The following CNTN5 variants were observed in gnomAD, a reference collection of about 807,000 sequenced individuals.
CNTN5 encodes the protein contactin 5.
A neutral mutation model predicts 129.1 loss-of-function variants in CNTN5; 77 were observed. The observed-to-expected ratio is 0.60, with a 90% CI of 0.50 to 0.72. CNTN5 has a LOEUF of 0.72. Ranked by LOEUF, CNTN5 falls within the 30% of genes least tolerant of loss-of-function variation. CNTN5 has a pLI of 0.00. For synonymous variants in CNTN5, 509 were observed against 465.6 expected (o/e 1.09, Z -1.20); for missense variants, 1,478 against 1,328.8 (o/e 1.11, Z -1.75).
intron 13 of CNTN5, among the ~76,000 whole-genome samples, chr11:100,142,070 G>A (rs950225381): frequency 1.1e-4 from 16 of 152,130 alleles, no homozygotes; most frequent in Admixed American, 5.9e-4. Flanking sequence ...TTGGACATCA[G>A]AACGCCAGGC....
At chr11:99,723,131 T>G (rs972500293) in intron 3 of CNTN5, among the ~76,000 whole-genome samples, 5 of 152,090 alleles carry the variant, frequency 3.3e-5, no homozygotes, top group African/African-American at 1.2e-4. Flanking sequence ...ACTTACTCCC[T>G]TAATTAGGAA....
At chr11:100,011,010 A>G (rs535992621) in intron 9 of CNTN5, among the ~76,000 whole-genome samples, 1 of 152,210 alleles carries the variant, frequency 6.6e-6, no homozygotes, top group Admixed American at 6.5e-5. Flanking sequence ...GAATTTTGGG[A>G]TCCCTAGAGC....
chr11:99,736,109 T>A (rs1045522192), intron 3 of CNTN5, among the ~76,000 whole-genome samples: 5 of 152,128 alleles, frequency 3.3e-5, no homozygotes, highest in Admixed American at 6.6e-5. Flanking sequence ...ATTGGTAGAT[T>A]TAAGATTTCT....
At chr11:99,432,491 T>TTTTCTTTTCTTTTC (rs1943425650) in intron 2 of CNTN5, among the ~76,000 whole-genome samples, 1 of 140,420 alleles carries the variant, frequency 7.1e-6, no homozygotes, top group African/African-American at 2.6e-5. Context: ...TTTTCTTTTC[T>TTTTCTTTTCTTTTC]TTTCTTTCTT....
At chr11:99,109,959 G>T (rs1857710493) in intron 1 of CNTN5, among the ~76,000 whole-genome samples, 1 of 152,022 alleles carries the variant, frequency 6.6e-6, no homozygotes. Context: ...ATCATGATAA[G>T]TGCTGAATTT....
intron 2 of CNTN5, among the ~76,000 whole-genome samples, chr11:99,482,298 T>G (rs901283812): frequency 2.0e-5 from 3 of 152,178 alleles, no homozygotes; most frequent in African/African-American, 7.2e-5. Flanking sequence ...AAGATACACA[T>G]TTTTGAAAGC....
At chr11:100,106,449 T>C (rs1945434553) in intron 13 of CNTN5, among the ~76,000 whole-genome samples, 1 of 152,212 alleles carries the variant, frequency 6.6e-6, no homozygotes, top group Middle Eastern at 3.4e-3. Context: ...GTTTGGGACA[T>C]TTTGTAATGG....
chr11:100,043,890 G>GT (rs541832498), intron 9 of CNTN5, among the ~76,000 whole-genome samples: 1 of 152,006 alleles, frequency 6.6e-6, no homozygotes, highest in Non-Finnish European at 1.5e-5. Context: ...CATTCACTTT[G>GT]TTTTTTATTT....
intron 1 of CNTN5, among the ~76,000 whole-genome samples, chr11:99,035,633 C>T (rs565746371): frequency 5.3e-5 from 8 of 150,720 alleles, no homozygotes; most frequent in African/African-American, 1.7e-4. Context: ...GTAGATCTTC[C>T]TCCATCCTTT....
At chr11:100,311,246 T>C (rs996894472) in intron 21 of CNTN5, among the ~76,000 whole-genome samples, 4 of 151,776 alleles carry the variant, frequency 2.6e-5, no homozygotes, top group African/African-American at 9.7e-5. Flanking sequence ...ATAAATTACA[T>C]GTAGGCTATG....
intron 3 of CNTN5, among the ~76,000 whole-genome samples, chr11:99,763,665 A>G (rs1442520781): frequency 6.6e-6 from 1 of 152,080 alleles, no homozygotes; most frequent in Admixed American, 6.6e-5. Context: ...ACAATTTTAC[A>G]TTCGATTTAA....
chr11:99,662,739 C>A (rs1418698319), intron 3 of CNTN5, among the ~76,000 whole-genome samples: 2 of 152,136 alleles, frequency 1.3e-5, no homozygotes, highest in African/African-American at 4.8e-5. Flanking sequence ...TTACAACTTG[C>A]AATGTAGTCC....
At chr11:100,233,702 G>A (rs1017018215) in intron 16 of CNTN5, among the ~76,000 whole-genome samples, 1 of 151,998 alleles carries the variant, frequency 6.6e-6, no homozygotes, top group African/African-American at 2.4e-5. Context: ...AACATCTTGT[G>A]GGACTTCTTA....
intron 3 of CNTN5, among the ~76,000 whole-genome samples, chr11:99,767,171 T>A (rs956260227): frequency 1.3e-5 from 2 of 152,136 alleles, no homozygotes; most frequent in African/African-American, 4.8e-5. Flanking sequence ...TTTATTTATT[T>A]ATTCTGCATG....
At chr11:99,028,385 C>T (rs933553429) in intron 1 of CNTN5, among the ~76,000 whole-genome samples, 2 of 151,766 alleles carry the variant, frequency 1.3e-5, no homozygotes, top group African/African-American at 2.4e-5. Flanking sequence ...AGGAAATACA[C>T]CCATAGGGTG....
chr11:99,381,651 T>C (rs879917641), intron 2 of CNTN5, among the ~76,000 whole-genome samples: 4 of 152,210 alleles, frequency 2.6e-5, no homozygotes, highest in Non-Finnish European at 2.9e-5. Flanking sequence ...TTAATGTATG[T>C]GGCATAGTGT....
At chr11:99,249,292 C>T (rs1216310737) in intron 1 of CNTN5, among the ~76,000 whole-genome samples, 2 of 152,016 alleles carry the variant, frequency 1.3e-5, no homozygotes, top group Admixed American at 6.6e-5. Flanking sequence ...TATAAGAATG[C>T]TTGTGATTTT....
chr11:99,749,959 G>A (rs1319275956), intron 3 of CNTN5, among the ~76,000 whole-genome samples: 1 of 152,024 alleles, frequency 6.6e-6, no homozygotes, highest in Admixed American at 6.6e-5. Context: ...CCTCCTTACT[G>A]CTTATTGGGA....
intron 1 of CNTN5, among the ~76,000 whole-genome samples, chr11:99,277,570 G>A (rs1286455430): frequency 6.6e-6 from 1 of 151,610 alleles, no homozygotes; most frequent in Non-Finnish European, 1.5e-5. Flanking sequence ...CATTGTGTTT[G>A]TAGTTCATGG....
Sources: allele counts gnomAD v4.1 joint callset (sites outside exome capture counted in the v4.1 genomes callset), GRCh38; gene constraint gnomAD v4.1.1; transcripts MANE v1.5; gene names NCBI Gene and HGNC (gene_info 2026-07-23, HGNC 2026-07-21).